Variants in ACLY observed in about 807,000 individuals in gnomAD.
ACLY encodes the protein ATP-citrate synthase.
Under a neutral mutation model 133.0 loss-of-function variants are expected in ACLY, and 41 were observed. That is an observed-to-expected ratio of 0.31 (90% confidence interval 0.24 to 0.40). The LOEUF (loss-of-function observed/expected upper bound fraction) is 0.40. Among genes scored for constraint, ACLY ranks in the 10% least tolerant of loss-of-function variants. ACLY has a pLI of 1.00. For synonymous variants in ACLY, 495 were observed against 549.3 expected, an observed-to-expected ratio of 0.90 and a Z score of 1.38; for missense variants, 1,046 against 1,453.8, an observed-to-expected ratio of 0.72 and a Z score of 4.56.
At chr17:41,873,479 C>T (rs1485346584) in intron 23 of ACLY, among the ~76,000 whole-genome samples, 1 of 152,192 alleles carries the variant, frequency 6.6e-6, no homozygotes, top group Non-Finnish European at 1.5e-5. Context: ...CCGCGCCTAG[C>T]CCATAAGGTA....
intron 10 of ACLY, 161 bp downstream of exon 10, chr17:41,904,568 T>C: frequency 3.1e-6 from 2 of 639,150 alleles, no homozygotes; most frequent in Non-Finnish European, 5.6e-6. Context: ...CCTGTCCCAG[T>C]GTCTTCTCCA....
rs150555236 is a variant in ACLY, at chr17:41,883,666, C to T, written c.2155-434G>A. The stretch of plus-strand genomic sequence containing the variant: ...GTGGCGTTATCTCTGTTCACTGCAA[C>T]CTCTGTCTCCTGGGTTCAAGTGATT... On this transcript the variant is annotated intron_variant, in intron 19 of 28. Coordinates refer to ENST00000352035, the MANE Select transcript of ACLY (RefSeq NM_001096.3). Among the ~76,000 whole-genome samples the T allele has an allele frequency of 2.2e-3, 316 of 146,626 alleles. 1 individual carries two copies. Among genetic ancestry groups the T allele is most frequent in the African/African-American group, 7.5e-3 (296 of 39,354 alleles).
At chr17:41,872,665 G>A (rs1351250967) in intron 23 of ACLY, among the ~76,000 whole-genome samples, 2 of 152,162 alleles carry the variant, frequency 1.3e-5, no homozygotes, top group African/African-American at 4.8e-5. Flanking sequence ...TGAAACCAGA[G>A]TTTTGAATCT....
upstream of ACLY, among the ~76,000 whole-genome samples, chr17:41,919,320 A>AGGGGG (rs2050144149): frequency 3.4e-5 from 5 of 149,004 alleles, no homozygotes; most frequent in Non-Finnish European, 6.0e-5. Flanking sequence ...AGGGGCGGGT[A>AGGGGG]GGATTAGCCC....
intron 6 of ACLY, 82 bp from the exon 7 acceptor site, chr17:41,907,654 G>T: frequency 6.6e-7 from 1 of 1,509,994 alleles, no homozygotes; most frequent in Non-Finnish European, 9.1e-7. Flanking sequence ...CACAAACACC[G>T]ATCCCATGGT....
chr17:41,869,904 A>T (rs561646314), intron 25 of ACLY, among the ~76,000 whole-genome samples: 1 of 152,310 alleles, frequency 6.6e-6, no homozygotes, highest in Non-Finnish European at 1.5e-5. Flanking sequence ...TCTGAAAGTT[A>T]ACCACTCTCC....
chr17:41,890,445 G>A (rs1245826265), intron 16 of ACLY, among the ~76,000 whole-genome samples: 1 of 151,954 alleles, frequency 6.6e-6, no homozygotes, highest in Non-Finnish European at 1.5e-5. Context: ...AGCACTTTGG[G>A]AGGCCGAGGC....
At chr17:41,896,771 T>C in intron 13 of ACLY, 122 bp from the exon 14 acceptor site, 1 of 761,006 alleles carries the variant, frequency 1.3e-6, no homozygotes, top group Non-Finnish European at 2.0e-6. Context: ...GCCCTCATCA[T>C]CCCTCTCCTG....
intron 22 of ACLY, among the ~76,000 whole-genome samples, chr17:41,874,567 A>G (rs2048682295): frequency 7.7e-6 from 1 of 129,932 alleles, no homozygotes; most frequent in Admixed American, 7.9e-5. Flanking sequence ...GACCCAGTCC[A>G]TTGCTTCTTT....
intron 25 of ACLY, 55 bp downstream of exon 25, chr17:41,871,634 C>A: frequency 6.2e-7 from 1 of 1,606,174 alleles, no homozygotes; most frequent in Non-Finnish European, 8.5e-7. Flanking sequence ...TGATTACAGG[C>A]ATGGGCCACC....
exon 1 of ACLY, chr17:41,930,505 C>T: frequency 3.9e-6 from 2 of 507,198 alleles, no homozygotes; most frequent in East Asian, 3.4e-5. Context: ...CAGCCGTCAG[C>T]CACGCAATCA....
intron 5 of ACLY, among the ~76,000 whole-genome samples, 168 bp downstream of exon 5, chr17:41,909,342 G>T (rs2049825166): frequency 6.6e-6 from 1 of 152,128 alleles, no homozygotes; most frequent in Non-Finnish European, 1.5e-5. Flanking sequence ...ATTTCAGTCT[G>T]GTTCCAAGCC....
chr17:41,901,252 T>C (rs782457478), intron 11 of ACLY, among the ~76,000 whole-genome samples: 7 of 151,916 alleles, frequency 4.6e-5, no homozygotes, highest in Non-Finnish European at 7.4e-5. Context: ...CCAGCCTTGA[T>C]CAAGTTTGAT....
intron 23 of ACLY, 152 bp from the exon 24 acceptor site, chr17:41,872,334 T>G: frequency 2.7e-6 from 2 of 731,888 alleles, no homozygotes; most frequent in South Asian, 1.8e-5. Context: ...AACCTCCTGA[T>G]TCTTTTCTTT....
At chr17:41,879,016 A>G (rs782774106) in intron 20 of ACLY, 92 bp from the exon 21 acceptor site, 46 of 1,509,224 alleles carry the variant, frequency 3.0e-5, no homozygotes, top group Non-Finnish European at 4.0e-5. Flanking sequence ...TACATGAATC[A>G]CTTCATTTAA....
intron 27 of ACLY, 44 bp from the exon 28 acceptor site, chr17:41,868,829 T>G: frequency 6.4e-7 from 1 of 1,569,834 alleles, no homozygotes; most frequent in Non-Finnish European, 8.8e-7. Flanking sequence ...CTCACGTGAC[T>G]GCCCTCCTCC....
At chr17:41,903,369 A>G (rs1470120622) in intron 10 of ACLY, among the ~76,000 whole-genome samples, 6 of 152,190 alleles carry the variant, frequency 3.9e-5, no homozygotes, top group Non-Finnish European at 8.8e-5. Context: ...ACCCAGGTTG[A>G]GAAGACCCCA....
intron 23 of ACLY, among the ~76,000 whole-genome samples, chr17:41,873,223 A>G (rs1332225306): frequency 6.8e-6 from 1 of 146,776 alleles, no homozygotes; most frequent in East Asian, 2.0e-4. Context: ...CTTGTTGCTC[A>G]GGCTGGAGTG....
rs571420153 is a variant in ACLY, at chr17:41,886,151, G to A, written c.2033C>T (p.Thr678Met). 5.6e-6 allele frequency: 9 copies of A among 1,614,090 alleles called. No individual in the cohort carries two copies. Among genetic ancestry groups the A allele is most frequent in the East Asian group, 2.2e-5 (1 of 44,882 alleles). ...NELNNIISRT[T>M]DGVYEGVAIG... ...GGCCACGCCCTCATAGACGCCATCC[G>A]TGGTCCGAGAGATGATATTGTTGAG... is the stretch of plus-strand genomic sequence containing the variant. Residue 678 changes from threonine (T) to methionine (M), a missense_variant, in exon 18 of 29, where the codon ACG becomes ATG. Around this residue, in one of 4 missense-constraint regions of ACLY, gnomAD observed 575 missense variants for 804.2 expected, o/e 0.71. Transcript: ENST00000352035.
Sources: allele counts gnomAD v4.1 joint callset (sites outside exome capture counted in the v4.1 genomes callset), GRCh38; gene constraint gnomAD v4.1.1; regional missense constraint gnomAD v4.1.1; transcripts MANE v1.5; gene names NCBI Gene and HGNC (gene_info 2026-07-23, HGNC 2026-07-21).